EIF2A: variants seen among roughly 807,000 people sequenced by gnomAD.
EIF2A encodes the protein 65 kDa eukaryotic translation initiation factor 2A.
Under a neutral mutation model 75.2 loss-of-function variants are expected in EIF2A, and 62 were observed. The observed-to-expected ratio is 0.82, with a 90% confidence interval of 0.67 to 1.02. The LOEUF (loss-of-function observed/expected upper bound fraction) is 1.02. EIF2A is among the 50% of genes least tolerant of loss of function. The pLI, the probability that EIF2A is intolerant of heterozygous loss-of-function variation, is 0.00. For missense variants in EIF2A, 611 were observed against 677.7 expected (o/e 0.90, Z 1.09); for synonymous variants, 207 against 239.0 (o/e 0.87, Z 1.23).
intron 11 of EIF2A, among the ~76,000 whole-genome samples, chr3:150,578,382 AAT>A (rs1402194612): frequency 1.3e-5 from 2 of 149,098 alleles, no homozygotes; most frequent in African/African-American, 4.9e-5. Flanking sequence ...TACATTTTAT[AAT>A]ATAAATTATG....
At chr3:150,566,128 A>G (rs1724172507) in intron 6 of EIF2A, 1 of 152,104 alleles carries the variant, frequency 6.6e-6, no homozygotes, top group South Asian at 2.1e-4. Context: ...CTGTGGATTT[A>G]AAAGGTATGT....
intron 1 of EIF2A, among the ~76,000 whole-genome samples, chr3:150,548,893 T>C (rs1440663733): frequency 6.6e-6 from 1 of 152,224 alleles, no homozygotes; most frequent in African/African-American, 2.4e-5. Context: ...CTTATTCAGA[T>C]TGTTCAACTC....
chr3:150,575,560 T>G, intron 10 of EIF2A, 89 bp from the exon 11 acceptor site: 3 of 962,500 alleles, frequency 3.1e-6, no homozygotes, highest in Non-Finnish European at 4.5e-6. Flanking sequence ...TAAAATAAGT[T>G]TATCCTATAT....
chr3:150,565,160 A>G lies in EIF2A; in HGVS notation c.475+779A>G, dbSNP rs1249747603. 9 of 455,614 alleles carry G rather than the reference A, an allele frequency of 2.0e-5. No homozygotes were observed. In the Admixed American group the frequency reaches 2.1e-4, roughly 11 times the overall value. The allele number at this position is 455,614 out of a possible 1,614,324, so 28.2% of individuals were successfully genotyped here. A position where few individuals can be genotyped will look rare whatever the true frequency, so the allele number is the denominator to read the frequency against. The stretch of plus-strand genomic sequence containing the variant: ...CTTTTGTATCCCATGGTATAATTTA[A>G]CATGTTCATCTGTCCCCTATAAATT... On this transcript the variant is annotated intron_variant, in intron 6 of 13. Transcript: ENST00000460851.
At chr3:150,549,811 A>G (rs1046951228) in intron 1 of EIF2A, among the ~76,000 whole-genome samples, 2 of 152,178 alleles carry the variant, frequency 1.3e-5, no homozygotes, top group Non-Finnish European at 2.9e-5. Context: ...TAAAACAGCA[A>G]TGTCCATTAC....
chr3:150,563,445 A>C, intron 4 of EIF2A, 70 bp from the exon 5 acceptor site: 1 of 1,286,864 alleles, frequency 7.8e-7, no homozygotes, highest in Non-Finnish European at 1.1e-6. Context: ...ATCAAACTTA[A>C]TAAATAAGAA....
chr3:150,547,948 A>G (rs1457407415), intron 1 of EIF2A, among the ~76,000 whole-genome samples: 1 of 152,186 alleles, frequency 6.6e-6, no homozygotes, highest in South Asian at 2.1e-4. Flanking sequence ...TTTTAATACT[A>G]AATGCTTATT....
rs1269152279 is a variant in EIF2A, at chr3:150,583,849, G to C, written c.1696G>C (p.Glu566Gln). The change falls in exon 14 of 14, where the codon GAG (glutamate) becomes CAG (glutamine). Residue 566 changes from glutamate to glutamine, a missense_variant. Coordinates refer to ENST00000460851, the MANE Select transcript of EIF2A (RefSeq NM_032025.5). ...TGKQLEKNQL[E>Q]KIQKETALLQ... is the part of the protein sequence containing the mutation. The stretch of plus-strand genomic sequence containing the variant: ...TCATTGTTTCAAACTTTTCTAGTTG[G>C]AGAAAATTCAGAAAGAAACAGCCCT... 1 of 1,613,146 alleles carries C rather than the reference G, an allele frequency of 6.2e-7. No homozygotes were observed. Among genetic ancestry groups the C allele is most frequent in the Non-Finnish European group, 8.5e-7 (1 of 1,179,566 alleles).
rs74970637 is a variant in EIF2A at position 150,585,803 on chromosome 3, A to C, written c.*1892A>C. Among the ~76,000 whole-genome samples, 3,464 of 152,248 alleles carry C rather than the reference A, an allele frequency of 0.023. 36 individuals carry two copies. Among genetic ancestry groups the C allele is most frequent in the Non-Finnish European group, 0.038 (2,583 of 68,020 alleles). ...AGGTAAGTGTGTTTGAATGAGGTGA[A>C]GAGGTTGGGGACTTCGTGATGGGAT... On this transcript the variant is annotated 3_prime_UTR_variant, in exon 14 of 14. Coordinates refer to ENST00000460851, the MANE Select transcript of EIF2A (RefSeq NM_032025.5).
intron 6 of EIF2A, among the ~76,000 whole-genome samples, chr3:150,565,425 A>T (rs1450364184): frequency 6.6e-6 from 1 of 152,196 alleles, no homozygotes; most frequent in Non-Finnish European, 1.5e-5. Context: ...TACTGCTTCT[A>T]TAAAGAAAAA....
intron 10 of EIF2A, among the ~76,000 whole-genome samples, chr3:150,572,855 C>CAAAA (rs774758560): frequency 2.0e-5 from 2 of 101,992 alleles, no homozygotes; most frequent in Admixed American, 1.0e-4. Flanking sequence ...GACTCCGTCT[C>CAAAA]AAAAAAAAAA....
chr3:150,582,520 T>C (rs1255344207), intron 12 of EIF2A, among the ~76,000 whole-genome samples: 1 of 152,038 alleles, frequency 6.6e-6, no homozygotes, highest in African/African-American at 2.4e-5. Context: ...TTCACCGTGT[T>C]AGCCAGGATG....
rs1170758152 is a variant in EIF2A at position 150,581,757 on chromosome 3, T to TAAA, written c.1626+14_1626+16dup. 1 of 1,556,356 alleles carries TAAA rather than the reference T, an allele frequency of 6.4e-7. No homozygotes were observed. The highest frequency in any genetic ancestry group is 8.7e-7 in the Non-Finnish European group (1 of 1,149,526). ...AAGAACCTAAAGAAGGTGAGAGACTTAAAAACAGATGTGCATATTGAAAGG... is the reference window on the plus strand; with the variant it reads ...AAGAACCTAAAGAAGGTGAGAGACTTAAAAAAAACAGATGTGCATATTGAAAGG... On this transcript the variant is annotated intron_variant, in intron 12 of 13. Transcript: ENST00000460851.
intron 1 of EIF2A, among the ~76,000 whole-genome samples, chr3:150,552,078 A>C (rs1723344103): frequency 6.6e-6 from 1 of 152,220 alleles, no homozygotes; most frequent in South Asian, 2.1e-4. Context: ...TCAGGCTCTG[A>C]ATTCATGTCC....
intron 2 of EIF2A, among the ~76,000 whole-genome samples, chr3:150,553,322 CAAA>C (rs201065260): frequency 4.7e-5 from 4 of 84,630 alleles, no homozygotes; most frequent in Admixed American, 1.2e-4. Flanking sequence ...GACTCCGTCT[CAAA>C]AAAAAAAAAA....
intron 1 of EIF2A, among the ~76,000 whole-genome samples, chr3:150,547,647 GGTT>G (rs1221770986): frequency 2.6e-5 from 4 of 152,142 alleles, no homozygotes. Context: ...TTAAGAGAAA[GGTT>G]GTCTGCATTT....
chr3:150,571,804 C>T (rs1175922875), intron 9 of EIF2A, among the ~76,000 whole-genome samples, 154 bp from the exon 10 acceptor site: 3 of 151,960 alleles, frequency 2.0e-5, no homozygotes, highest in Non-Finnish European at 2.9e-5. Context: ...ATTAATCCCC[C>T]TAGTATATAA....
At chr3:150,547,128 A>G (rs1021422934) in intron 1 of EIF2A, 3 of 471,128 alleles carry the variant, frequency 6.4e-6, no homozygotes, top group South Asian at 2.3e-5. Flanking sequence ...TTTGTGACAC[A>G]TGGGTCTGCA....
In EIF2A at chr3:150,584,403, T is replaced by G. The variant is rs1462532911; in HGVS notation, c.*492T>G. Among the ~76,000 whole-genome samples, 1 of 152,194 alleles carries G rather than the reference T, an allele frequency of 6.6e-6. No homozygotes were observed. The highest frequency in any genetic ancestry group is 2.4e-5 in the African/African-American group (1 of 41,456). Reference sequence around the variant, plus strand: ...CATAAATTTAAGAAATTTGTCAGTGTCTCAAAGCTAGGAAATGGCCATCTA... The same window carrying G: ...CATAAATTTAAGAAATTTGTCAGTGGCTCAAAGCTAGGAAATGGCCATCTA... On this transcript the variant is annotated 3_prime_UTR_variant, in exon 14 of 14. Transcript: ENST00000460851.
Sources: gnomAD v4.1 joint callset for allele counts (sites outside exome capture counted in the v4.1 genomes callset) on GRCh38, gnomAD v4.1.1 for gene constraint, MANE v1.5 for transcripts, NCBI Gene and HGNC (gene_info 2026-07-23, HGNC 2026-07-21) for gene names.